The following TRMT9B variants were observed in gnomAD, a reference collection of about 807,000 sequenced individuals.
TRMT9B encodes the protein probable tRNA methyltransferase 9B.
In TRMT9B, 16 loss-of-function variants were observed where a neutral mutation model predicts 11.5. The observed-to-expected ratio is 1.39, with a 90% CI of 0.94 to 2.11. TRMT9B has a LOEUF of 2.11. TRMT9B is among the 30% of genes most tolerant of loss of function. TRMT9B has a pLI of 0.00. For missense variants in TRMT9B, 941 were observed against 553.8 expected, an observed-to-expected ratio of 1.70 and a Z score of -7.02; for synonymous variants, 274 against 192.4, an observed-to-expected ratio of 1.42 and a Z score of -3.51.
rs530255013 is a variant in TRMT9B, at chr8:13,021,356, T to G, written c.677T>G (p.Phe226Cys). 10 of 1,614,078 alleles carry G rather than the reference T, an allele frequency of 6.2e-6. No individual in the cohort carries two copies. In the African/African-American group the frequency reaches 9.3e-5, roughly 15 times the overall value. The part of the protein sequence containing the change: ...GYEPAMARTC[F>C]ANISKEGEEE... The stretch of plus-strand genomic sequence containing the variant: ...GAACCTGCTATGGCAAGAACCTGTT[T>G]TGCAAATATTTCTAAGGAAGGCGAG... Residue 226 changes from phenylalanine (F) to cysteine (C), a missense_variant, in exon 5 of 5, where the codon TTT becomes TGT. Transcript: ENST00000524591.
chr8:13,018,640 C>A (rs572325108), intron 4 of TRMT9B, among the ~76,000 whole-genome samples: 1 of 152,144 alleles, frequency 6.6e-6, no homozygotes, highest in Non-Finnish European at 1.5e-5. Flanking sequence ...TCCCAAGAGG[C>A]ATACAGCGGT....
chr8:12,991,823 C>G (rs1411486626), intron 2 of TRMT9B, among the ~76,000 whole-genome samples: 1 of 152,052 alleles, frequency 6.6e-6, no homozygotes, highest in East Asian at 1.9e-4. Flanking sequence ...CCCAACTACT[C>G]GGGAGGCTGG....
chr8:12,959,516 CTTTT>C (rs61536433), intron 1 of TRMT9B, among the ~76,000 whole-genome samples: 14 of 74,934 alleles, frequency 1.9e-4, no homozygotes, highest in South Asian at 1.2e-3. Context: ...TTTTTCCTTC[CTTTT>C]TTTTTTTTTT....
intron 2 of TRMT9B, among the ~76,000 whole-genome samples, chr8:12,995,546 G>A (rs188133428): frequency 3.3e-5 from 5 of 152,032 alleles, no homozygotes; most frequent in Non-Finnish European, 5.9e-5. Flanking sequence ...TTAATTGCCC[G>A]TTTCTTCTCC....
At chr8:12,950,238 C>G (rs536878918) in intron 1 of TRMT9B, among the ~76,000 whole-genome samples, 1 of 152,184 alleles carries the variant, frequency 6.6e-6, no homozygotes, top group African/African-American at 2.4e-5. Flanking sequence ...TAACTGATTT[C>G]CCTTATGTTT....
intron 1 of TRMT9B, among the ~76,000 whole-genome samples, chr8:12,967,575 C>G (rs1331401644): frequency 6.6e-6 from 1 of 152,210 alleles, no homozygotes; most frequent in Admixed American, 6.5e-5. Context: ...TAGCTTTTCT[C>G]CACCAATGAA....
intron 1 of TRMT9B, among the ~76,000 whole-genome samples, chr8:12,957,072 T>C (rs1241733423): frequency 6.6e-6 from 1 of 152,214 alleles, no homozygotes; most frequent in East Asian, 1.9e-4. Context: ...GTACTTTTAT[T>C]ATAAGTGCAG....
intron 1 of TRMT9B, among the ~76,000 whole-genome samples, chr8:12,981,630 C>G (rs1805408352): frequency 2.0e-5 from 3 of 151,880 alleles, no homozygotes; most frequent in Non-Finnish European, 2.9e-5. Context: ...AACAGGGTCT[C>G]GCTCTATTGC....
intron 4 of TRMT9B, among the ~76,000 whole-genome samples, chr8:13,019,156 C>T (rs554557416): frequency 2.9e-4 from 44 of 151,970 alleles, no homozygotes; most frequent in African/African-American, 9.2e-4. Flanking sequence ...TGGGCAAATT[C>T]GCAAATACAG....
rs3739309 is a variant in TRMT9B at position 13,021,321 on chromosome 8, C to T, written c.642C>T (p.Ser214=). Residue 214 remains serine (S), a synonymous_variant, in exon 5 of 5, where the codon AGC becomes AGT. Transcript: ENST00000524591. ...AGTGTGGTTCAAAACGGTCCCACAG[C>T]GTGGGCTATGAACCTGCTATGGCAA... ...KEQCGSKRSH[S]VGYEPAMART... 689,051 of 1,613,608 alleles carry T rather than the reference C, an allele frequency of 0.43. 154,110 individuals carry two copies. The highest frequency in any genetic ancestry group is 0.59 in the Middle Eastern group (3,579 of 6,062).
intron 4 of TRMT9B, among the ~76,000 whole-genome samples, chr8:13,014,361 G>C (rs1812224350): frequency 6.6e-6 from 1 of 152,208 alleles, no homozygotes; most frequent in South Asian, 2.1e-4. Flanking sequence ...CTGGACATCT[G>C]AGATCAGGGT....
At chr8:12,949,620 T>A (rs760815629) in intron 1 of TRMT9B, among the ~76,000 whole-genome samples, 1 of 152,198 alleles carries the variant, frequency 6.6e-6, no homozygotes, top group Non-Finnish European at 1.5e-5. Context: ...TGGTAACTCA[T>A]GTCATAGTTC....
At chr8:12,969,981 T>C (rs1421219601) in intron 1 of TRMT9B, 3 of 151,704 alleles carry the variant, frequency 2.0e-5, no homozygotes, top group East Asian at 3.9e-4. Flanking sequence ...TGATTTTAAA[T>C]ATTTTTGATA....
intron 1 of TRMT9B, among the ~76,000 whole-genome samples, chr8:12,970,399 A>T (rs1022977887): frequency 3.9e-5 from 6 of 152,216 alleles, no homozygotes; most frequent in African/African-American, 1.4e-4. Context: ...CCTAACAGTG[A>T]AGAGAGCACA....
intron 1 of TRMT9B, among the ~76,000 whole-genome samples, chr8:12,985,855 AT>A (rs956787783): frequency 1.7e-4 from 26 of 151,158 alleles, no homozygotes; most frequent in Middle Eastern, 3.4e-3. Context: ...TAGATTAATG[AT>A]TTTTTTTTAA....
intron 4 of TRMT9B, among the ~76,000 whole-genome samples, chr8:13,019,505 G>A (rs1813408529): frequency 1.3e-5 from 2 of 152,108 alleles, no homozygotes; most frequent in South Asian, 4.1e-4. Context: ...TGTTGCCCAG[G>A]CTGGTCTCAA....
At chr8:13,005,438 ATT>A (rs1810283433) in intron 2 of TRMT9B, among the ~76,000 whole-genome samples, 1 of 152,200 alleles carries the variant, frequency 6.6e-6, no homozygotes, top group African/African-American at 2.4e-5. Flanking sequence ...AGTATATTGG[ATT>A]GTTTGTAACA....
chr8:12,958,887 T>G (rs1801666449), intron 1 of TRMT9B: 1 of 152,024 alleles, frequency 6.6e-6, no homozygotes, highest in African/African-American at 2.4e-5. Context: ...AGGTGGGAAT[T>G]GAACAATGAG....
In TRMT9B at chr8:13,021,144, C is replaced by G. The variant is rs748847588; in HGVS notation, c.465C>G (p.Asp155Glu). Residue 155 changes from aspartate (D) to glutamate (E), a missense_variant, in exon 5 of 5, where the codon GAC (aspartate) becomes GAG (glutamate). Coordinates refer to ENST00000524591, the MANE Select transcript of TRMT9B (RefSeq NM_020844.3). The part of the protein sequence containing the change: ...EQKNRHFEKQ[D>E]VLVPWNRALC... ...AGAACCGTCACTTTGAGAAGCAAGACGTGCTTGTTCCATGGAACAGGGCTC... is the reference window on the plus strand; with the variant it reads ...AGAACCGTCACTTTGAGAAGCAAGAGGTGCTTGTTCCATGGAACAGGGCTC... The G allele has an allele frequency of 1.9e-6, 3 of 1,613,734 alleles. No individual in the cohort carries two copies. The South Asian group carries it at 3.3e-5, about 18-fold the overall frequency.
Sources: gnomAD v4.1 joint callset for allele counts (sites outside exome capture counted in the v4.1 genomes callset) on GRCh38, gnomAD v4.1.1 for gene constraint, MANE v1.5 for transcripts, NCBI Gene and HGNC (gene_info 2026-07-23, HGNC 2026-07-21) for gene names.